The following SNX29 variants were observed in gnomAD, a reference collection of about 807,000 sequenced individuals.
SNX29 encodes sorting nexin 29.
A neutral mutation model predicts 102.1 loss-of-function variants in SNX29; 78 were observed. The ratio of observed to expected loss-of-function variants is 0.76; its 90% CI spans 0.64 to 0.92. SNX29 has a LOEUF of 0.92. Among genes scored for constraint, SNX29 ranks in the 40% least tolerant of loss-of-function variants. The pLI, the probability that SNX29 is intolerant of heterozygous loss-of-function variation, is 0.00. For missense variants in SNX29, 1,280 were observed against 1,061.7 expected, an observed-to-expected ratio of 1.21 and a Z score of -2.86; for synonymous variants, 580 against 414.5, an observed-to-expected ratio of 1.40 and a Z score of -4.85.
At chr16:12,513,558 C>G (rs2089731072) in intron 19 of SNX29, among the ~76,000 whole-genome samples, 1 of 152,108 alleles carries the variant, frequency 6.6e-6, no homozygotes, top group South Asian at 2.1e-4. Flanking sequence ...TGGTGATCAC[C>G]TAGAAAAAGG....
intron 20 of SNX29, among the ~76,000 whole-genome samples, chr16:12,563,304 G>A (rs182293896): frequency 1.3e-5 from 2 of 152,202 alleles, no homozygotes; most frequent in Non-Finnish European, 1.5e-5. Flanking sequence ...CGGAAAGTCT[G>A]CTTTGTGACT....
rs550549015 is a variant in SNX29 at position 12,570,696 on chromosome 16, C to A, written c.*2067C>A. 5.2e-5 allele frequency: 12 copies of A among 231,992 alleles called. No individual in the cohort carries two copies. The highest frequency in any genetic ancestry group is 3.4e-4 in the Admixed American group (6 of 17,734). The allele number at this position is 231,992 out of a possible 1,614,324, so 14.4% of individuals were successfully genotyped here. A position where few individuals can be genotyped will look rare whatever the true frequency, so the allele number is the denominator to read the frequency against. ...TGACCTGCACCTTTTCTGACACCTG[C>A]CCCCAAAGCACAGGATGTGAATTGG... is the stretch of plus-strand genomic sequence containing the variant. On this transcript the variant is annotated 3_prime_UTR_variant, in exon 21 of 21. Coordinates refer to ENST00000566228, the MANE Select transcript of SNX29 (RefSeq NM_032167.5).
rs192012054 is a variant in SNX29, at chr16:12,363,589, G to A, written c.1899+7310G>A. On this transcript the variant is annotated intron_variant, in intron 16 of 20. Coordinates refer to ENST00000566228, the MANE Select transcript of SNX29 (RefSeq NM_032167.5). ...GCCCTCATGTCCCATTTCCGACTCC[G>A]ATCCCCTGTGCCTAGCACCATTCCC... Among the ~76,000 whole-genome samples, 34 of 152,260 alleles carry A rather than the reference G, an allele frequency of 2.2e-4. No individual in the cohort carries two copies. In the East Asian group the frequency reaches 6.0e-3, roughly 27 times the overall value.
rs372333729 is a variant in SNX29, at chr16:12,029,196, C to G, written c.247+1752C>G. ...GATCTTTGTTTCTTGTTTATTTCAC[C>G]AGTTACTCATTTGTAGAAATGAGTT... On this transcript the variant is annotated intron_variant, in intron 4 of 20. Transcript: ENST00000566228. Among the ~76,000 whole-genome samples, 62 of 151,660 alleles carry G rather than the reference C, an allele frequency of 4.1e-4. 3 individuals carry two copies. The South Asian group carries it at 0.013, about 32-fold the overall frequency.
chr16:12,011,147 A>G (rs2056638355), intron 3 of SNX29, among the ~76,000 whole-genome samples: 1 of 145,324 alleles, frequency 6.9e-6, no homozygotes, highest in Non-Finnish European at 1.5e-5. Flanking sequence ...TCCATATTGC[A>G]TACTCTTTTA....
chr16:12,266,333 T>C (rs1185965871), intron 14 of SNX29, among the ~76,000 whole-genome samples: 1 of 152,142 alleles, frequency 6.6e-6, no homozygotes, highest in Non-Finnish European at 1.5e-5. Context: ...CCAGCCGGGC[T>C]CCCTACAGTT....
At chr16:12,419,590 G>C (rs928830844) in intron 18 of SNX29, among the ~76,000 whole-genome samples, 2 of 150,954 alleles carry the variant, frequency 1.3e-5, no homozygotes. Flanking sequence ...CTGTCGATTT[G>C]CGTTGCTCTG....
chr16:11,983,137 T>C (rs393313), intron 1 of SNX29, among the ~76,000 whole-genome samples: 115,012 of 151,600 alleles, frequency 0.76, 44,621 homozygotes, highest in Non-Finnish European at 0.84. Flanking sequence ...TGCCATGTTG[T>C]GCAGGCTGAT....
intron 14 of SNX29, among the ~76,000 whole-genome samples, chr16:12,214,167 A>G (rs975325228): frequency 1.3e-5 from 2 of 152,212 alleles, no homozygotes; most frequent in African/African-American, 4.8e-5. Flanking sequence ...AATCACTGCA[A>G]ATGGAATTGC....
At chr16:12,562,714 C>G (rs549016383) in intron 20 of SNX29, among the ~76,000 whole-genome samples, 2 of 152,144 alleles carry the variant, frequency 1.3e-5, no homozygotes, top group Non-Finnish European at 2.9e-5. Flanking sequence ...TGAAGCCTAC[C>G]GTGGTACTGT....
chr16:12,341,647 A>C (rs1293918928), intron 15 of SNX29, among the ~76,000 whole-genome samples: 1 of 152,264 alleles, frequency 6.6e-6, no homozygotes, highest in Non-Finnish European at 1.5e-5. Flanking sequence ...TCTTGTGGCC[A>C]CACCATGGCT....
intron 20 of SNX29, among the ~76,000 whole-genome samples, chr16:12,538,482 AACAT>A (rs745790815): frequency 1.2e-4 from 19 of 152,192 alleles, no homozygotes; most frequent in Admixed American, 2.0e-4. Flanking sequence ...GATGCTGTGT[AACAT>A]ACATCTATGA....
At chr16:12,162,268 C>G (rs760748584) in intron 13 of SNX29, among the ~76,000 whole-genome samples, 6 of 152,334 alleles carry the variant, frequency 3.9e-5, no homozygotes, top group African/African-American at 7.2e-5. Flanking sequence ...TCTGTTTACC[C>G]TCTCATCGTC....
chr16:12,165,490 A>G (rs1288658389), intron 13 of SNX29, among the ~76,000 whole-genome samples: 2 of 152,242 alleles, frequency 1.3e-5, no homozygotes, highest in African/African-American at 4.8e-5. Flanking sequence ...TGTATCAGCT[A>G]AACATTTTTT....
intron 20 of SNX29, among the ~76,000 whole-genome samples, chr16:12,535,049 A>T (rs1453629977): frequency 6.6e-6 from 1 of 152,212 alleles, no homozygotes; most frequent in African/African-American, 2.4e-5. Flanking sequence ...AACCAGCTAC[A>T]AAGCACTGGG....
intron 18 of SNX29, among the ~76,000 whole-genome samples, chr16:12,435,013 C>G (rs891860598): frequency 2.0e-5 from 3 of 152,046 alleles, no homozygotes; most frequent in Non-Finnish European, 4.4e-5. Flanking sequence ...GGGGAAGAGG[C>G]TGTGATCTGT....
Position 12,571,540 on chromosome 16 carries a change from T to C in SNX29, c.*2911T>C, listed in dbSNP as rs1041006805. 2.2e-6 allele frequency: 2 copies of C among 923,958 alleles called. No homozygotes were observed. Among genetic ancestry groups the C allele is most frequent in the South Asian group, 1.0e-4 (2 of 19,060 alleles). The allele number at this position is 923,958 out of a possible 1,614,324, so 57.2% of individuals were successfully genotyped here. ...TTGGATTCCTGGGACCACCCTTTGC[T>C]GGGAGGAAGAATCCACACCGAATCC... On this transcript the variant is annotated 3_prime_UTR_variant, in exon 21 of 21. Transcript: ENST00000566228.
At chr16:12,218,802 T>A (rs915238863) in intron 14 of SNX29, among the ~76,000 whole-genome samples, 2 of 152,114 alleles carry the variant, frequency 1.3e-5, no homozygotes, top group African/African-American at 2.4e-5. Flanking sequence ...TTAGACACAG[T>A]CTCGCTTTGT....
At chr16:12,449,098 C>T (rs768369191) in intron 18 of SNX29, among the ~76,000 whole-genome samples, 2 of 152,078 alleles carry the variant, frequency 1.3e-5, no homozygotes, top group Non-Finnish European at 2.9e-5. Context: ...TGAGACATAG[C>T]TCCTTACCCT....
Sources: gnomAD v4.1 joint callset for allele counts (sites outside exome capture counted in the v4.1 genomes callset) on GRCh38, gnomAD v4.1.1 for gene constraint, MANE v1.5 for transcripts, NCBI Gene and HGNC (gene_info 2026-07-23, HGNC 2026-07-21) for gene names.